The following MAML3 variants were observed in gnomAD, a reference collection of about 807,000 sequenced individuals.
MAML3 encodes the protein mastermind like transcriptional coactivator 3, also known as mastermind-like protein 3.
In MAML3, 27 loss-of-function variants were observed where a neutral mutation model predicts 101.9. The ratio of observed to expected loss-of-function variants is 0.27; its 90% CI spans 0.20 to 0.37. MAML3 has a LOEUF of 0.37. Ranked by LOEUF, MAML3 falls within the 10% of genes least tolerant of loss-of-function variation. The probability of loss-of-function intolerance (pLI) is 1.00; values close to 1 mark genes in which losing one functional copy is unlikely to be tolerated. For missense variants in MAML3, 1,316 were observed against 1,444.9 expected, an observed-to-expected ratio of 0.91 and a Z score of 1.45; for synonymous variants, 501 against 555.9, an observed-to-expected ratio of 0.90 and a Z score of 1.39.
chr4:140,022,164 A>T (rs1197701084), intron 1 of MAML3, among the ~76,000 whole-genome samples: 1 of 152,218 alleles, frequency 6.6e-6, no homozygotes, highest in Non-Finnish European at 1.5e-5. Flanking sequence ...AAATAGGGGT[A>T]AATACATTCT....
At chr4:140,039,366 C>G (rs923463243) in intron 1 of MAML3, among the ~76,000 whole-genome samples, 1 of 152,134 alleles carries the variant, frequency 6.6e-6, no homozygotes, top group African/African-American at 2.4e-5. Flanking sequence ...CGGAAATCCA[C>G]AGGCCCACTA....
At chr4:139,923,035 G>C (rs547229674) in intron 1 of MAML3, among the ~76,000 whole-genome samples, 1 of 152,318 alleles carries the variant, frequency 6.6e-6, no homozygotes, top group Admixed American at 6.5e-5. Flanking sequence ...GCTCATGATA[G>C]GGTGCCAGAG....
intron 2 of MAML3, among the ~76,000 whole-genome samples, chr4:139,856,296 A>G (rs965696099): frequency 6.6e-6 from 1 of 152,232 alleles, no homozygotes; most frequent in Non-Finnish European, 1.5e-5. Context: ...CAATAAGATG[A>G]ATTTAACTTG....
chr4:139,886,611 T>C (rs995665656), intron 2 of MAML3, among the ~76,000 whole-genome samples: 3 of 152,206 alleles, frequency 2.0e-5, no homozygotes, highest in Non-Finnish European at 4.4e-5. Context: ...AGCATTTCCA[T>C]ATGATTAGTC....
intron 2 of MAML3, among the ~76,000 whole-genome samples, chr4:139,869,684 T>C (rs1323325045): frequency 2.6e-5 from 4 of 152,028 alleles, no homozygotes; most frequent in African/African-American, 4.8e-5. Context: ...GTAATATTCA[T>C]TAAAAAAGAA....
chr4:139,747,553 C>T (rs915982947), intron 2 of MAML3, among the ~76,000 whole-genome samples: 5 of 151,740 alleles, frequency 3.3e-5, no homozygotes, highest in African/African-American at 1.2e-4. Flanking sequence ...AATTAGCCGG[C>T]TGTGGTGGTG....
intron 2 of MAML3, among the ~76,000 whole-genome samples, chr4:139,842,605 G>A (rs1731380794): frequency 6.6e-6 from 1 of 151,706 alleles, no homozygotes; most frequent in African/African-American, 2.4e-5. Context: ...TGCAACCTCC[G>A]CCTCCTGGTT....
chr4:140,139,751 C>T (rs1728951390), intron 1 of MAML3, among the ~76,000 whole-genome samples: 1 of 152,116 alleles, frequency 6.6e-6, no homozygotes, highest in African/African-American at 2.4e-5. Flanking sequence ...GTATTCAAAA[C>T]ATTTAGATAA....
intron 2 of MAML3, among the ~76,000 whole-genome samples, chr4:139,731,616 C>T (rs1560773846): frequency 6.6e-6 from 1 of 150,402 alleles, no homozygotes. Context: ...GACTCTTTCT[C>T]AAAAAAAAAG....
intron 2 of MAML3, among the ~76,000 whole-genome samples, chr4:139,882,292 T>C (rs1036248261): frequency 2.0e-5 from 3 of 149,650 alleles, no homozygotes; most frequent in African/African-American, 7.4e-5. Context: ...TAAGAACATA[T>C]CCAAGATCTT....
rs1553981679 is a variant in MAML3 at position 140,149,940 on chromosome 4, T to TTTA, written c.468+2919_468+2920insTAA. Among the ~76,000 whole-genome samples the TTTA allele has an allele frequency of 5.6e-3, 7 of 1,240 alleles. No homozygotes were observed. The East Asian group carries it at 0.19, about 34-fold the overall frequency. 0.8% of individuals were successfully genotyped at this position (1,240 alleles called of 152,430 possible). On this transcript the variant is annotated intron_variant, in intron 1 of 4. Transcript: ENST00000509479. ...ATAACTTGTAGAGCATGTTTCTTTC[T>TTTA]TTTTTTTTTTTTTTTTTGGTACACA...
chr4:139,876,562 T>G (rs1181773846), intron 2 of MAML3, among the ~76,000 whole-genome samples: 1 of 152,244 alleles, frequency 6.6e-6, no homozygotes, highest in African/African-American at 2.4e-5. Flanking sequence ...TCGCAGGCTT[T>G]GAAGTACAGG....
chr4:139,862,139 A>G (rs540981841), intron 2 of MAML3, among the ~76,000 whole-genome samples: 4 of 152,188 alleles, frequency 2.6e-5, no homozygotes, highest in Non-Finnish European at 4.4e-5. Flanking sequence ...AACCTGGGAG[A>G]CGGAGGTTGC....
intron 1 of MAML3, among the ~76,000 whole-genome samples, chr4:140,096,295 CT>C (rs1029117120): frequency 5.3e-5 from 8 of 152,184 alleles, no homozygotes; most frequent in African/African-American, 1.7e-4. Flanking sequence ...ATTAGACATC[CT>C]TTATTCTCCA....
At chr4:140,049,506 G>A (rs1396685140) in intron 1 of MAML3, among the ~76,000 whole-genome samples, 3 of 152,192 alleles carry the variant, frequency 2.0e-5, no homozygotes, top group Non-Finnish European at 1.5e-5. Context: ...GAGAACAGAG[G>A]AGGGGGGAAG....
chr4:140,085,595 G>A (rs945342703), intron 1 of MAML3, among the ~76,000 whole-genome samples: 7 of 152,142 alleles, frequency 4.6e-5, no homozygotes, highest in Non-Finnish European at 1.0e-4. Context: ...CTCTTAGAAG[G>A]GTCAGGGCAG....
At chr4:139,810,847 C>G (rs906032986) in intron 2 of MAML3, among the ~76,000 whole-genome samples, 2 of 152,302 alleles carry the variant, frequency 1.3e-5, no homozygotes, top group Admixed American at 1.3e-4. Flanking sequence ...GAGGGATTTT[C>G]CTGCCTCCCT....
chr4:139,742,650 G>T (rs1249663642), intron 2 of MAML3, among the ~76,000 whole-genome samples: 1 of 152,192 alleles, frequency 6.6e-6, no homozygotes, highest in South Asian at 2.1e-4. Context: ...CCTCAGCTGT[G>T]TAAAGGAAAA....
At chr4:139,806,576 T>C (rs1388108282) in intron 2 of MAML3, among the ~76,000 whole-genome samples, 1 of 152,124 alleles carries the variant, frequency 6.6e-6, no homozygotes, top group Non-Finnish European at 1.5e-5. Context: ...AGTTAATAAC[T>C]TCCAACCCAG....
Sources: gnomAD v4.1 joint callset for allele counts (sites outside exome capture counted in the v4.1 genomes callset) on GRCh38, gnomAD v4.1.1 for gene constraint, MANE v1.5 for transcripts, NCBI Gene and HGNC (gene_info 2026-07-23, HGNC 2026-07-21) for gene names.